Variants in NRXN1 observed in about 807,000 individuals in gnomAD.
The protein encoded by NRXN1 is neurexin-1.
In NRXN1, 39 loss-of-function variants were observed where a neutral mutation model predicts 150.9. The observed-to-expected ratio is 0.26, with a 90% confidence interval of 0.20 to 0.34. The LOEUF is 0.34. Ranked by LOEUF, NRXN1 falls within the 10% of genes least tolerant of loss-of-function variation. The probability of loss-of-function intolerance (pLI) is 1.00; values close to 1 mark genes in which losing one functional copy is unlikely to be tolerated. For synonymous variants in NRXN1, 924 were observed against 757.0 expected (o/e 1.22, Z -3.62); for missense variants, 1,815 against 1,949.9 (o/e 0.93, Z 1.30).
At chr2:50,291,990 C>T (rs1377521221) in intron 17 of NRXN1, among the ~76,000 whole-genome samples, 5 of 152,076 alleles carry the variant, frequency 3.3e-5, no homozygotes, top group East Asian at 1.9e-4. Flanking sequence ...TCACCCACAG[C>T]GTGGCTTCTG....
chr2:50,748,007 C>CCTAGCATGCA (rs1700194229), intron 5 of NRXN1, among the ~76,000 whole-genome samples: 1 of 152,120 alleles, frequency 6.6e-6, no homozygotes, highest in Non-Finnish European at 1.5e-5. Context: ...TTGAGCTGCA[C>CCTAGCATGCA]CTAGCATGCA....
At chr2:50,984,651 T>C (rs72874537) in intron 2 of NRXN1, among the ~76,000 whole-genome samples, 1,893 of 152,188 alleles carry the variant, frequency 0.012, 51 homozygotes, top group African/African-American at 0.043. Context: ...CTTCATCAAA[T>C]CTGAATCAAA....
Position 50,170,982 on chromosome 2 carries a change from T to C in NRXN1, c.3546+65807A>G, listed in dbSNP as rs982810218. On this transcript the variant is annotated intron_variant, in intron 18 of 22. Transcript: ENST00000401669. The stretch of plus-strand genomic sequence containing the variant: ...TATTTTGTGTGTTATATGTAGTATA[T>C]ACTGCATTCTTACAATAAAGTAAGC... Among the ~76,000 whole-genome samples, 6 of 152,194 alleles carry C rather than the reference T, an allele frequency of 3.9e-5. 1 individual carries two copies. Among genetic ancestry groups the C allele is most frequent in the Non-Finnish European group, 7.4e-5 (5 of 68,022 alleles).
chr2:50,217,487 A>C lies in NRXN1; in HGVS notation c.3546+19302T>G, dbSNP rs142361028. ...ATTGGACCTTCTTTTATCTGGCTGG[A>C]TCTATAATTACATGCTTTAAAACTC... On this transcript the variant is annotated intron_variant, in intron 18 of 22. Coordinates refer to ENST00000401669, the MANE Select transcript of NRXN1 (RefSeq NM_001330078.2). 4.8e-3 allele frequency among the ~76,000 whole-genome samples: 725 copies of C among 152,110 alleles called. 6 individuals are homozygous for C. The highest frequency in any genetic ancestry group is 0.017 in the African/African-American group (700 of 41,548).
chr2:50,524,200 C>T (rs556903460), intron 12 of NRXN1, among the ~76,000 whole-genome samples: 53 of 152,044 alleles, frequency 3.5e-4, no homozygotes, highest in African/African-American at 9.9e-4. Flanking sequence ...TCCCTGAGGA[C>T]GGGTGTGGTG....
At chr2:50,427,794 A>G (rs1028814656) in intron 17 of NRXN1, among the ~76,000 whole-genome samples, 5 of 152,222 alleles carry the variant, frequency 3.3e-5, no homozygotes, top group Admixed American at 6.5e-5. Flanking sequence ...TTCTTCGAAT[A>G]CATTTTTAAA....
intron 18 of NRXN1, among the ~76,000 whole-genome samples, chr2:50,178,488 C>A (rs1279719849): frequency 6.6e-6 from 1 of 151,964 alleles, no homozygotes; most frequent in South Asian, 2.1e-4. Flanking sequence ...AGACATACTG[C>A]CCACAAAACA....
rs1323151225 is a variant in NRXN1 at position 50,715,339 on chromosome 2, T to C, written c.833-91724A>G. ...ACATCTGTATTCTGGTGCTTTCTAGTTGTGTGACATTGGGGAACCTTCCAC... is the reference window on the plus strand; with the variant it reads ...ACATCTGTATTCTGGTGCTTTCTAGCTGTGTGACATTGGGGAACCTTCCAC... On this transcript the variant is annotated intron_variant, in intron 5 of 22. Coordinates refer to ENST00000401669, the MANE Select transcript of NRXN1 (RefSeq NM_001330078.2). Among the ~76,000 whole-genome samples the C allele has an allele frequency of 2.0e-5, 3 of 152,166 alleles. No homozygotes were observed. In the East Asian group the frequency reaches 5.8e-4, roughly 29 times the overall value.
At chr2:50,338,807 T>C (rs992334030) in intron 17 of NRXN1, among the ~76,000 whole-genome samples, 5 of 152,272 alleles carry the variant, frequency 3.3e-5, no homozygotes, top group African/African-American at 9.6e-5. Flanking sequence ...TACCACACTT[T>C]TCCTGAATGT....
chr2:50,596,867 T>TC (rs919968112), intron 8 of NRXN1, among the ~76,000 whole-genome samples: 2 of 141,796 alleles, frequency 1.4e-5, no homozygotes, highest in African/African-American at 5.2e-5. Flanking sequence ...CTAGGACTTT[T>TC]TTTTTTTTTT....
intron 17 of NRXN1, among the ~76,000 whole-genome samples, chr2:50,239,270 G>T (rs2065763596): frequency 6.6e-6 from 1 of 151,746 alleles, no homozygotes; most frequent in Non-Finnish European, 1.5e-5. Flanking sequence ...TTATCTCTGA[G>T]TGCTGATACT....
At chr2:50,269,757 C>T (rs2069341835) in intron 17 of NRXN1, among the ~76,000 whole-genome samples, 1 of 151,894 alleles carries the variant, frequency 6.6e-6, no homozygotes, top group Admixed American at 6.6e-5. Context: ...TATTGTGTTA[C>T]AAAAAAACAA....
chr2:50,268,554 G>C (rs2069167474), intron 17 of NRXN1, among the ~76,000 whole-genome samples: 1 of 152,098 alleles, frequency 6.6e-6, no homozygotes, highest in Admixed American at 6.6e-5. Flanking sequence ...CACAGACTCA[G>C]GGAGTCAATC....
chr2:50,608,207 T>C (rs1677448775), intron 8 of NRXN1, among the ~76,000 whole-genome samples: 1 of 152,202 alleles, frequency 6.6e-6, no homozygotes, highest in Non-Finnish European at 1.5e-5. Flanking sequence ...TTTAGATTAA[T>C]TGGCAGTGTT....
intron 18 of NRXN1, among the ~76,000 whole-genome samples, chr2:50,133,075 C>G (rs890810833): frequency 3.9e-5 from 6 of 151,984 alleles, no homozygotes; most frequent in South Asian, 2.1e-4. Flanking sequence ...CAATCAGGAC[C>G]AAAAGTGTAG....
intron 5 of NRXN1, among the ~76,000 whole-genome samples, chr2:50,869,214 G>A (rs1677401559): frequency 6.6e-6 from 1 of 151,656 alleles, no homozygotes; most frequent in Non-Finnish European, 1.5e-5. Context: ...AATTTAGATG[G>A]CATTGGTCCT....
At chr2:50,591,405 T>C (rs527909216) in intron 8 of NRXN1, among the ~76,000 whole-genome samples, 2 of 135,384 alleles carry the variant, frequency 1.5e-5, no homozygotes, top group African/African-American at 2.6e-5. Context: ...GATAGATAGA[T>C]AGATAGATAG....
chr2:50,823,649 C>G (rs184346998), intron 5 of NRXN1, among the ~76,000 whole-genome samples: 10 of 151,942 alleles, frequency 6.6e-5, no homozygotes, highest in Admixed American at 1.3e-4. Context: ...TAATTAAGTA[C>G]GCCAAATTGT....
chr2:50,770,091 G>A (rs1363029532), intron 5 of NRXN1, among the ~76,000 whole-genome samples: 1 of 151,980 alleles, frequency 6.6e-6, no homozygotes, highest in Non-Finnish European at 1.5e-5. Flanking sequence ...TGAAACATAC[G>A]CCATTTGGTT....
Sources: gnomAD v4.1 joint callset for allele counts (sites outside exome capture counted in the v4.1 genomes callset) on GRCh38, gnomAD v4.1.1 for gene constraint, MANE v1.5 for transcripts, NCBI Gene and HGNC (gene_info 2026-07-23, HGNC 2026-07-21) for gene names.